RALGPS2: variants seen among roughly 807,000 people sequenced by gnomAD.
RALGPS2 encodes the protein Ral GEF with PH domain and SH3 binding motif 2.
In RALGPS2, 43 loss-of-function variants were observed where a neutral mutation model predicts 86.8. The observed-to-expected ratio is 0.50, with a 90% CI of 0.39 to 0.64. The LOEUF (loss-of-function observed/expected upper bound fraction) is 0.64, where lower values mean the gene tolerates loss of function less well. Ranked by LOEUF, RALGPS2 falls within the 30% of genes least tolerant of loss-of-function variation. The probability of loss-of-function intolerance (pLI) is 0.00; values close to 1 mark genes in which losing one functional copy is unlikely to be tolerated. For missense variants in RALGPS2, 536 were observed against 694.6 expected (o/e 0.77, Z 2.57); for synonymous variants, 243 against 231.3 (o/e 1.05, Z -0.46).
At chr1:178,915,394 C>G (rs945142235) in intron 19 of RALGPS2, among the ~76,000 whole-genome samples, 4 of 152,104 alleles carry the variant, frequency 2.6e-5, no homozygotes, top group African/African-American at 9.7e-5. Context: ...CACCACAGGC[C>G]CAGCTAATTT....
intron 1 of RALGPS2, among the ~76,000 whole-genome samples, chr1:178,751,812 A>G (rs1651696348): frequency 6.6e-6 from 1 of 152,222 alleles, no homozygotes; most frequent in Non-Finnish European, 1.5e-5. Context: ...TTCTGGTGAA[A>G]TTAAAGTATG....
At chr1:178,903,605 G>C (rs1344467642) in intron 18 of RALGPS2, among the ~76,000 whole-genome samples, 2 of 152,062 alleles carry the variant, frequency 1.3e-5, no homozygotes, top group African/African-American at 4.8e-5. Flanking sequence ...TATGATGTTT[G>C]GTTTTCCATT....
intron 10 of RALGPS2, among the ~76,000 whole-genome samples, chr1:178,881,133 C>T (rs1659228187): frequency 6.6e-6 from 1 of 151,998 alleles, no homozygotes; most frequent in African/African-American, 2.4e-5. Context: ...GATACATCCA[C>T]AAAACAGATG....
intron 8 of RALGPS2, among the ~76,000 whole-genome samples, chr1:178,870,336 T>C (rs1219034809): frequency 6.6e-6 from 1 of 152,204 alleles, no homozygotes; most frequent in Non-Finnish European, 1.5e-5. Context: ...ACACTGTGGC[T>C]GCAGGAAGAG....
At chr1:178,822,277 G>A (rs1377569542) in intron 7 of RALGPS2, among the ~76,000 whole-genome samples, 2 of 151,892 alleles carry the variant, frequency 1.3e-5, no homozygotes, top group Non-Finnish European at 2.9e-5. Context: ...GCAAATTTGT[G>A]TATTTTCATA....
chr1:178,853,908 T>A, intron 8 of RALGPS2: 2 of 594,130 alleles, frequency 3.4e-6, no homozygotes, highest in Non-Finnish European at 5.3e-6. Flanking sequence ...TTATCATATA[T>A]ACAATATTAT....
chr1:178,756,286 A>C (rs1651953590), intron 1 of RALGPS2, among the ~76,000 whole-genome samples: 1 of 151,924 alleles, frequency 6.6e-6, no homozygotes, highest in South Asian at 2.1e-4. Context: ...GGTTCTTATA[A>C]TTTTAGGTTT....
chr1:178,865,506 C>T (rs372542428), intron 8 of RALGPS2: 7 of 1,613,966 alleles, frequency 4.3e-6, no homozygotes, highest in South Asian at 1.1e-5. Flanking sequence ...CTGGAGAGCA[C>T]ATCCTTCAGG....
rs115782575 is a variant in RALGPS2 at position 178,848,311 on chromosome 1, A to T, written c.607+14761A>T. On this transcript the variant is annotated intron_variant, in intron 8 of 19. Coordinates refer to ENST00000367635, the MANE Select transcript of RALGPS2 (RefSeq NM_152663.5). ...GGGTGACATAGTGGGACCCTGTCTAAAAAAAAACAAAAAGAAAAATTAAGT... is the reference window on the plus strand; with the variant it reads ...GGGTGACATAGTGGGACCCTGTCTATAAAAAAACAAAAAGAAAAATTAAGT... 3.7e-3 allele frequency among the ~76,000 whole-genome samples: 560 copies of T among 151,690 alleles called. 5 individuals carry two copies. The highest frequency in any genetic ancestry group is 0.012 in the African/African-American group (507 of 41,134).
intron 6 of RALGPS2, among the ~76,000 whole-genome samples, chr1:178,812,928 C>CTTTT (rs397844555): frequency 3.7e-5 from 4 of 106,852 alleles, no homozygotes; most frequent in African/African-American, 1.1e-4. Flanking sequence ...TAGGTAAATA[C>CTTTT]TTTTTTTTTT....
intron 19 of RALGPS2, among the ~76,000 whole-genome samples, chr1:178,915,591 T>A (rs1553278399): frequency 1.3e-5 from 2 of 152,246 alleles, no homozygotes; most frequent in Non-Finnish European, 2.9e-5. Flanking sequence ...ACTTGAGCAT[T>A]TGTGTTGTAT....
intron 19 of RALGPS2, among the ~76,000 whole-genome samples, chr1:178,915,865 T>C (rs913808375): frequency 4.6e-5 from 7 of 152,242 alleles, no homozygotes; most frequent in Admixed American, 3.9e-4. Context: ...TTAATCATGA[T>C]TTTACAAATA....
chr1:178,779,531 T>G (rs1653277299), intron 2 of RALGPS2, among the ~76,000 whole-genome samples: 1 of 152,200 alleles, frequency 6.6e-6, no homozygotes, highest in South Asian at 2.1e-4. Flanking sequence ...GATGATTTAT[T>G]TTTATCTCTA....
At chr1:178,890,935 A>G (rs1472465516) in intron 14 of RALGPS2, among the ~76,000 whole-genome samples, 2 of 152,068 alleles carry the variant, frequency 1.3e-5, no homozygotes, top group African/African-American at 4.8e-5. Context: ...GAATTTGTTC[A>G]AATTGTCTTT....
chr1:178,765,947 C>T (rs1164892476), intron 1 of RALGPS2, among the ~76,000 whole-genome samples: 2 of 152,036 alleles, frequency 1.3e-5, no homozygotes, highest in Non-Finnish European at 2.9e-5. Context: ...TTCAAGGTGC[C>T]CAGATTTCTT....
intron 10 of RALGPS2, chr1:178,879,912 C>T (rs1659167094): frequency 6.6e-6 from 1 of 151,562 alleles, no homozygotes; most frequent in South Asian, 2.1e-4. Context: ...ATTATTAACC[C>T]TTTCATCTTT....
At chr1:178,748,585 G>C (rs1432861399) in intron 1 of RALGPS2, among the ~76,000 whole-genome samples, 1 of 151,806 alleles carries the variant, frequency 6.6e-6, no homozygotes, top group Non-Finnish European at 1.5e-5. Flanking sequence ...GGGCACGGTG[G>C]CTCACGCCTG....
intron 4 of RALGPS2, among the ~76,000 whole-genome samples, chr1:178,799,286 G>A (rs1401029987): frequency 6.6e-6 from 1 of 151,986 alleles, no homozygotes; most frequent in African/African-American, 2.4e-5. Context: ...TGATCCGTCT[G>A]CCTCGGCTTC....
chr1:178,898,547 G>GTTC (rs1360130009), intron 17 of RALGPS2, among the ~76,000 whole-genome samples: 2 of 151,870 alleles, frequency 1.3e-5, no homozygotes, highest in Non-Finnish European at 2.9e-5. Context: ...AATGAATGTG[G>GTTC]GAAGTACCGT....
Sources: gnomAD v4.1 joint callset for allele counts (sites outside exome capture counted in the v4.1 genomes callset) on GRCh38, gnomAD v4.1.1 for gene constraint, MANE v1.5 for transcripts, NCBI Gene and HGNC (gene_info 2026-07-23, HGNC 2026-07-21) for gene names.